The following TRPM3 variants were observed in gnomAD, a reference collection of about 807,000 sequenced individuals.
The protein encoded by TRPM3 is transient receptor potential cation channel subfamily M member 3.
TRPM3 carries 77 observed loss-of-function variants against 181.2 expected under a neutral mutation model. The ratio of observed to expected loss-of-function variants is 0.42; its 90% CI spans 0.35 to 0.51. TRPM3 has a LOEUF of 0.51. TRPM3 is among the 20% of genes least tolerant of loss of function. The pLI, the probability that TRPM3 is intolerant of heterozygous loss-of-function variation, is 0.01. For synonymous variants in TRPM3, 745 were observed against 796.4 expected (o/e 0.94, Z 1.09); for missense variants, 1,759 against 2,196.7 (o/e 0.80, Z 3.98).
At chr9:71,311,331 T>G (rs1402236675) in intron 1 of TRPM3, among the ~76,000 whole-genome samples, 1 of 152,144 alleles carries the variant, frequency 6.6e-6, no homozygotes, top group Non-Finnish European at 1.5e-5. Flanking sequence ...TTGCAGAAAA[T>G]GTGTGTCAAA....
At chr9:71,230,191 G>T in intron 1 of TRPM3, among the ~76,000 whole-genome samples, 1 of 152,086 alleles carries the variant, frequency 6.6e-6, no homozygotes, top group East Asian at 1.9e-4. Flanking sequence ...ATGTCATTAC[G>T]TTAAGTGAAA....
chr9:70,655,815 A>AGTT (rs2060256871), intron 9 of TRPM3, among the ~76,000 whole-genome samples: 1 of 152,178 alleles, frequency 6.6e-6, no homozygotes, highest in Non-Finnish European at 1.5e-5. Context: ...TTACTGAAAG[A>AGTT]GTTATAATAA....
intron 1 of TRPM3, among the ~76,000 whole-genome samples, chr9:70,971,835 A>T (rs184260851): frequency 6.6e-6 from 1 of 152,340 alleles, no homozygotes; most frequent in Admixed American, 6.5e-5. Flanking sequence ...AGCACAGGAA[A>T]CAATGCTCAA....
intron 1 of TRPM3, among the ~76,000 whole-genome samples, chr9:71,272,034 G>A (rs2083840242): frequency 6.6e-6 from 1 of 152,132 alleles, no homozygotes; most frequent in South Asian, 2.1e-4. Context: ...TTAACGGAGG[G>A]GGTATATTTT....
chr9:70,673,296 C>T (rs1476235372), intron 9 of TRPM3, among the ~76,000 whole-genome samples: 2 of 151,774 alleles, frequency 1.3e-5, no homozygotes, highest in Admixed American at 1.3e-4. Flanking sequence ...TGCTTCATAA[C>T]ATCAAAGTTA....
intron 1 of TRPM3, among the ~76,000 whole-genome samples, chr9:71,272,708 C>T (rs879476294): frequency 2.6e-5 from 4 of 151,218 alleles, no homozygotes; most frequent in Non-Finnish European, 5.9e-5. Flanking sequence ...TATTCTCATA[C>T]TATACTTTTA....
At chr9:70,843,546 A>T (rs2094813657) in intron 4 of TRPM3, among the ~76,000 whole-genome samples, 1 of 152,244 alleles carries the variant, frequency 6.6e-6, no homozygotes, top group Admixed American at 6.5e-5. Context: ...CAGTCTGTAT[A>T]TGAGTTAAAT....
chr9:71,056,734 A>G (rs893217499), intron 1 of TRPM3, among the ~76,000 whole-genome samples: 6 of 152,086 alleles, frequency 3.9e-5, no homozygotes, highest in African/African-American at 1.4e-4. Flanking sequence ...CAAACCAATG[A>G]GAGAGGCCTC....
At chr9:71,223,702 C>T (rs1406083461) in intron 1 of TRPM3, among the ~76,000 whole-genome samples, 2 of 152,166 alleles carry the variant, frequency 1.3e-5, no homozygotes, top group African/African-American at 4.8e-5. Flanking sequence ...CCTGCCCTGG[C>T]AGCATTCACT....
At chr9:71,060,919 G>T (rs1591077216) in intron 1 of TRPM3, among the ~76,000 whole-genome samples, 1 of 152,160 alleles carries the variant, frequency 6.6e-6, no homozygotes, top group Admixed American at 6.5e-5. Context: ...CATTAATTGT[G>T]TGCCTTCATT....
chr9:71,117,166 C>T (rs1565232696), intron 1 of TRPM3, among the ~76,000 whole-genome samples: 1 of 152,142 alleles, frequency 6.6e-6, no homozygotes, highest in Non-Finnish European at 1.5e-5. Context: ...TCATCAATTC[C>T]CCAGGCCTCT....
chr9:71,416,111 A>G (rs1452447662), intron 1 of TRPM3, among the ~76,000 whole-genome samples: 2 of 151,768 alleles, frequency 1.3e-5, no homozygotes, highest in African/African-American at 2.4e-5. Flanking sequence ...CAAAGAAAAA[A>G]GACCTGGTAG....
chr9:70,869,192 G>T, intron 1 of TRPM3: 1 of 298,862 alleles, frequency 3.3e-6, no homozygotes, highest in Non-Finnish European at 4.9e-6. Context: ...GGAATGTGCT[G>T]CTTCGGGATT....
At position 70,603,429 on chromosome 9, in the gene TRPM3, C is replaced by T. The variant is rs142105736; in HGVS notation, c.2709G>A (p.Val903=). The change falls in exon 20 of 26, where the codon GTG becomes GTA. Residue 903 remains valine, a synonymous_variant. Coordinates refer to ENST00000677713, the MANE Select transcript of TRPM3 (RefSeq NM_001366145.2). ...IGYLMLFNYI[V]LVKMERWPST... ...ACGGCCAGCGTTCCATCTTCACTAA[C>T]ACGATATAGTTGAAGAGCATCAGGT... The T allele has an allele frequency of 2.7e-4, 439 of 1,614,082 alleles. No individual in the cohort carries two copies. Among genetic ancestry groups the T allele is most frequent in the Non-Finnish European group, 3.6e-4 (425 of 1,179,974 alleles).
chr9:71,361,361 A>C (rs73649724), intron 1 of TRPM3, among the ~76,000 whole-genome samples: 3,348 of 152,286 alleles, frequency 0.022, 126 homozygotes, highest in African/African-American at 0.077. Flanking sequence ...CGTAAGAAAA[A>C]ATTAACTCCC....
intron 12 of TRPM3, among the ~76,000 whole-genome samples, chr9:70,633,296 T>C (rs2066237168): frequency 2.0e-5 from 3 of 152,338 alleles, no homozygotes; most frequent in South Asian, 4.1e-4. Flanking sequence ...TGTCTACTTC[T>C]ACTCTTCTGA....
At chr9:70,896,579 A>G (rs1303975861) in intron 1 of TRPM3, among the ~76,000 whole-genome samples, 1 of 152,220 alleles carries the variant, frequency 6.6e-6, no homozygotes, top group East Asian at 1.9e-4. Flanking sequence ...GTACAAAAAA[A>G]GGACTAGTCA....
At chr9:70,686,127 C>T (rs11142550) in intron 8 of TRPM3, among the ~76,000 whole-genome samples, 22,935 of 151,148 alleles carry the variant, frequency 0.15, 2,296 homozygotes, top group East Asian at 0.39. Context: ...TATACACACA[C>T]ATATGTAAAA....
chr9:71,176,239 G>A (rs772231778), intron 1 of TRPM3, among the ~76,000 whole-genome samples: 35 of 152,212 alleles, frequency 2.3e-4, no homozygotes, highest in South Asian at 6.2e-4. Flanking sequence ...GGAGATGACA[G>A]CTCCATGCAT....
Sources: gnomAD v4.1 joint callset for allele counts (sites outside exome capture counted in the v4.1 genomes callset) on GRCh38, gnomAD v4.1.1 for gene constraint, MANE v1.5 for transcripts, NCBI Gene and HGNC (gene_info 2026-07-23, HGNC 2026-07-21) for gene names.